Variants in TENM3 observed in about 807,000 individuals in gnomAD.
TENM3 encodes teneurin transmembrane protein 3, also known as teneurin-3.
A neutral mutation model predicts 255.1 loss-of-function variants in TENM3; 63 were observed. The observed-to-expected ratio is 0.25, with a 90% CI of 0.20 to 0.30. The LOEUF (loss-of-function observed/expected upper bound fraction) is 0.30. TENM3 is among the 10% of genes least tolerant of loss of function. The pLI is 1.00. For synonymous variants in TENM3, 1,306 were observed against 1,322.3 expected, an observed-to-expected ratio of 0.99 and a Z score of 0.27; for missense variants, 2,929 against 3,461.1, an observed-to-expected ratio of 0.85 and a Z score of 3.86.
the TENM3 span, chr4:182,081,869 T>C: frequency 2.0e-5 from 3 of 152,114 alleles, no homozygotes; most frequent in Non-Finnish European, 4.4e-5. Flanking sequence ...GTCTTTTAGG[T>C]TACTCTGGGC....
intron 3 of TENM3, among the ~76,000 whole-genome samples, chr4:182,595,183 C>T (rs1158819624): frequency 4.6e-5 from 7 of 152,046 alleles, no homozygotes; most frequent in Admixed American, 2.0e-4. Context: ...GTCTCAATGG[C>T]GCCTCTCACC....
At chr4:181,762,413 A>G in the TENM3 span, among the ~76,000 whole-genome samples, 11 of 152,212 alleles carry the variant, frequency 7.2e-5, no homozygotes, top group South Asian at 2.1e-4. Context: ...CCATGCTCCA[A>G]TCTGTTTTGG....
chr4:182,072,349 C>G, the TENM3 span, among the ~76,000 whole-genome samples: 1 of 152,170 alleles, frequency 6.6e-6, no homozygotes, highest in Non-Finnish European at 1.5e-5. Context: ...CACCGGCAGT[C>G]AGTGCTGACT....
the TENM3 span, among the ~76,000 whole-genome samples, chr4:181,641,976 G>A: frequency 6.6e-6 from 1 of 150,596 alleles, no homozygotes; most frequent in South Asian, 2.1e-4. Flanking sequence ...TAATCCTTTG[G>A]GTATATACCC....
intron 1 of TENM3, among the ~76,000 whole-genome samples, chr4:182,200,522 A>G (rs1420817841): frequency 6.6e-6 from 1 of 152,232 alleles, no homozygotes; most frequent in Non-Finnish European, 1.5e-5. Context: ...TTGCCTTTTA[A>G]TGGGAAATAT....
chr4:181,469,410 C>T, the TENM3 span, among the ~76,000 whole-genome samples: 1 of 152,142 alleles, frequency 6.6e-6, no homozygotes, highest in Non-Finnish European at 1.5e-5. Context: ...TTTACTTCAG[C>T]TCAAATATAA....
chr4:181,608,405 G>C, the TENM3 span, among the ~76,000 whole-genome samples: 2 of 152,132 alleles, frequency 1.3e-5, no homozygotes, highest in Non-Finnish European at 2.9e-5. Flanking sequence ...GTCCAAAGTT[G>C]CTTTTGTGTT....
the TENM3 span, among the ~76,000 whole-genome samples, chr4:181,837,484 C>T: frequency 6.6e-6 from 1 of 151,662 alleles, no homozygotes; most frequent in African/African-American, 2.4e-5. Flanking sequence ...TTCGATTTTC[C>T]AATGTTAAAT....
At chr4:181,595,446 A>AAAAAAAAAAAAAAAAAAAACAG in the TENM3 span, among the ~76,000 whole-genome samples, 2 of 145,464 alleles carry the variant, frequency 1.4e-5, no homozygotes, top group Non-Finnish European at 1.5e-5. Flanking sequence ...AAAAAAAAAA[A>AAAAAAAAAAAAAAAAAAAACAG]AAAAAAAACA....
intron 1 of TENM3, among the ~76,000 whole-genome samples, chr4:182,299,514 C>T (rs762879328): frequency 1.3e-5 from 2 of 152,156 alleles, no homozygotes; most frequent in African/African-American, 2.4e-5. Flanking sequence ...TGCTGCTTAT[C>T]TTTGCTCATG....
intron 1 of TENM3, among the ~76,000 whole-genome samples, chr4:182,222,325 T>C (rs1755894114): frequency 6.6e-6 from 1 of 152,216 alleles, no homozygotes; most frequent in African/African-American, 2.4e-5. Context: ...CTCATTGAAA[T>C]GTAGAAAATT....
At chr4:182,239,499 G>T (rs1737173527), upstream of TENM3, among the ~76,000 whole-genome samples, 1 of 152,154 alleles carries the variant, frequency 6.6e-6, no homozygotes, top group South Asian at 2.1e-4. Flanking sequence ...AAGCTGGCAA[G>T]AAACTTACTA....
chr4:182,455,755 T>A (rs146339532), intron 3 of TENM3, among the ~76,000 whole-genome samples: 1 of 151,884 alleles, frequency 6.6e-6, no homozygotes, highest in East Asian at 1.9e-4. Flanking sequence ...AGAGACAGGG[T>A]CTCACCATGT....
chr4:182,717,853 T>C (rs1476706594), intron 13 of TENM3, among the ~76,000 whole-genome samples: 4 of 152,158 alleles, frequency 2.6e-5, no homozygotes, highest in Non-Finnish European at 4.4e-5. Flanking sequence ...GTTGCTCATA[T>C]CCCAAAACAC....
chr4:182,148,077 C>G (rs1473361268), intron 1 of TENM3, among the ~76,000 whole-genome samples: 1 of 151,862 alleles, frequency 6.6e-6, no homozygotes, highest in Non-Finnish European at 1.5e-5. Context: ...TCTTATAAAA[C>G]CTGATTTATT....
the TENM3 span, among the ~76,000 whole-genome samples, chr4:181,542,867 C>CA: frequency 6.6e-6 from 1 of 152,052 alleles, no homozygotes; most frequent in Non-Finnish European, 1.5e-5. Flanking sequence ...GTCCGTGATC[C>CA]AAAAAAACCA....
the TENM3 span, among the ~76,000 whole-genome samples, chr4:181,988,167 C>T: frequency 2.6e-4 from 39 of 152,178 alleles, no homozygotes; most frequent in South Asian, 2.9e-3. Context: ...CCTTCCTTCA[C>T]TATCGTATCT....
chr4:182,305,624 G>A (rs1249982732), intron 1 of TENM3, among the ~76,000 whole-genome samples: 9 of 152,160 alleles, frequency 5.9e-5, no homozygotes, highest in African/African-American at 1.9e-4. Flanking sequence ...AGGTCCTTCC[G>A]ATGTGTGTCC....
chr4:181,745,182 C>T, the TENM3 span, among the ~76,000 whole-genome samples: 2 of 152,042 alleles, frequency 1.3e-5, no homozygotes, highest in Non-Finnish European at 2.9e-5. Flanking sequence ...AGGGTGGTTT[C>T]CTGGACACCA....
Sources: gnomAD v4.1 joint callset for allele counts (sites outside exome capture counted in the v4.1 genomes callset) on GRCh38, gnomAD v4.1.1 for gene constraint, MANE v1.5 for transcripts, NCBI Gene and HGNC (gene_info 2026-07-23, HGNC 2026-07-21) for gene names.